Variants in MPHOSPH6 observed in about 807,000 individuals in gnomAD.
MPHOSPH6 encodes M-phase phosphoprotein 6.
Under a neutral mutation model 21.8 loss-of-function variants are expected in MPHOSPH6, and 25 were observed. That is an observed-to-expected ratio of 1.15 (90% CI 0.83 to 1.60). The LOEUF (loss-of-function observed/expected upper bound fraction) is 1.60. MPHOSPH6 is among the 40% of genes most tolerant of loss of function. The pLI, the probability that MPHOSPH6 is intolerant of heterozygous loss-of-function variation, is 0.00. For synonymous variants in MPHOSPH6, 84 were observed against 56.5 expected, an observed-to-expected ratio of 1.49 and a Z score of -2.18; for missense variants, 269 against 181.8, an observed-to-expected ratio of 1.48 and a Z score of -2.76.
At chr16:82,153,917 C>G (rs1189191786) in intron 2 of MPHOSPH6, among the ~76,000 whole-genome samples, 2 of 152,144 alleles carry the variant, frequency 1.3e-5, no homozygotes, top group African/African-American at 4.8e-5. Context: ...TTCTGTGTGT[C>G]AAATCTTCCT....
At chr16:82,167,253 A>G (rs142166845) in intron 1 of MPHOSPH6, among the ~76,000 whole-genome samples, 3 of 152,312 alleles carry the variant, frequency 2.0e-5, no homozygotes, top group African/African-American at 7.2e-5. Flanking sequence ...CCTTCCATCC[A>G]CATCCTTCTT....
intron 2 of MPHOSPH6, among the ~76,000 whole-genome samples, chr16:82,158,726 C>G (rs889933807): frequency 6.6e-6 from 1 of 152,094 alleles, no homozygotes; most frequent in Non-Finnish European, 1.5e-5. Flanking sequence ...TAACAAAATT[C>G]AAGCTTTCAA....
chr16:82,153,829 A>T (rs1460384147), intron 2 of MPHOSPH6, among the ~76,000 whole-genome samples: 5 of 152,200 alleles, frequency 3.3e-5, no homozygotes, highest in Non-Finnish European at 5.9e-5. Flanking sequence ...AACAGAATTT[A>T]TGCTCCTACA....
chr16:82,168,195 C>T (rs1286099376), intron 1 of MPHOSPH6, among the ~76,000 whole-genome samples: 1 of 152,200 alleles, frequency 6.6e-6, no homozygotes, highest in Non-Finnish European at 1.5e-5. Context: ...TCACCCAGTA[C>T]ATCATCTGGC....
rs1906932466 is a variant in MPHOSPH6, at chr16:82,170,203, G to A, written c.-28C>T. The A allele has an allele frequency of 2.6e-6, 4 of 1,556,248 alleles. No homozygotes were observed. The highest frequency in any genetic ancestry group is 2.0e-5 in the Admixed American group (1 of 51,038). ...TAGCTTCCGCCCAGCGCCGCACTCC[G>A]GCCGCGAGCCTCACCGCACATGCGC... On this transcript the variant is annotated 5_prime_UTR_variant, in exon 1 of 5. Coordinates refer to ENST00000258169, the MANE Select transcript of MPHOSPH6 (RefSeq NM_005792.2).
At chr16:82,151,593 TAATC>T (rs781405074) in intron 2 of MPHOSPH6, 79 bp from the exon 3 acceptor site, 264 of 1,458,404 alleles carry the variant, frequency 1.8e-4, no homozygotes, top group Non-Finnish European at 2.3e-4. Context: ...ATAAAAAAAA[TAATC>T]AACCTATGGT....
Position 82,170,052 on chromosome 16 carries a change from G to C in MPHOSPH6, c.51+73C>G, listed in dbSNP as rs1398447813. Reference sequence around the variant, plus strand: ...CTCTGGTGTCCCTTGTCCGCCCGCCGCCTCGGCCCCGGCCAGGTTGGAAGG... The same window carrying C: ...CTCTGGTGTCCCTTGTCCGCCCGCCCCCTCGGCCCCGGCCAGGTTGGAAGG... On this transcript the variant is annotated intron_variant, in intron 1 of 4. Transcript: ENST00000258169. 10 of 1,505,804 alleles carry C rather than the reference G, an allele frequency of 6.6e-6. No homozygotes were observed. The East Asian group carries it at 2.4e-4, about 37-fold the overall frequency. The allele number at this position is 1,505,804 out of a possible 1,614,324, so 93.3% of individuals were successfully genotyped here.
At position 82,149,352 on chromosome 16, in the gene MPHOSPH6, C is replaced by T. The variant is rs781032116; in HGVS notation, c.307G>A (p.Glu103Lys). 3.7e-6 allele frequency: 6 copies of T among 1,613,150 alleles called. No individual in the cohort carries two copies. The highest frequency in any genetic ancestry group is 2.2e-5 in the East Asian group (1 of 44,896). Reference sequence around the variant, plus strand: ...TCTGACACATCAAGCTCTACTGTTTCATCTTCAACTTCTTCTGCTTTGTGC... The same window carrying T: ...TCTGACACATCAAGCTCTACTGTTTTATCTTCAACTTCTTCTGCTTTGTGC... Reference protein sequence around the residue: ...AKHKAEEVEDETVELDVSDEE... With the variant: ...AKHKAEEVEDKTVELDVSDEE... The change falls in exon 4 of 5, where the codon GAA (glutamate) becomes AAA (lysine). Residue 103 changes from glutamate (E) to lysine (K), a missense_variant. Glu to Lys is a moderately conservative substitution (Grantham distance 56). Transcript: ENST00000258169.
At chr16:82,168,868 G>T (rs1906877968) in intron 1 of MPHOSPH6, among the ~76,000 whole-genome samples, 1 of 152,168 alleles carries the variant, frequency 6.6e-6, no homozygotes. Context: ...TAGAAGTAGT[G>T]CTTAGTGACA....
chr16:82,160,907 C>A (rs1906586781), intron 2 of MPHOSPH6, among the ~76,000 whole-genome samples: 1 of 152,092 alleles, frequency 6.6e-6, no homozygotes, highest in Non-Finnish European at 1.5e-5. Context: ...TGAAGCAGGT[C>A]ATAAAAGCAT....
chr16:82,161,404 G>A (rs1906603573), intron 2 of MPHOSPH6, among the ~76,000 whole-genome samples: 1 of 152,142 alleles, frequency 6.6e-6, no homozygotes, highest in African/African-American at 2.4e-5. Flanking sequence ...ACAAGTATAA[G>A]ATGTACAATA....
chr16:82,164,587 A>G (rs13335963), intron 1 of MPHOSPH6: 19,647 of 167,006 alleles, frequency 0.12, 2,832 homozygotes, highest in African/African-American at 0.36. Context: ...CTAGACTTCT[A>G]TGAGTGCCAG....
intron 2 of MPHOSPH6, among the ~76,000 whole-genome samples, chr16:82,155,582 A>G (rs1906402373): frequency 6.6e-6 from 1 of 152,240 alleles, no homozygotes; most frequent in African/African-American, 2.4e-5. Context: ...ACTTAGAGAT[A>G]AACAATGCAA....
At chr16:82,166,018 A>G (rs2142419275) in intron 1 of MPHOSPH6, among the ~76,000 whole-genome samples, 1 of 152,346 alleles carries the variant, frequency 6.6e-6, no homozygotes, top group East Asian at 1.9e-4. Flanking sequence ...CAAACTAAAC[A>G]TACACTTACC....
intron 2 of MPHOSPH6, among the ~76,000 whole-genome samples, chr16:82,152,803 T>C (rs1906307940): frequency 6.6e-6 from 1 of 152,212 alleles, no homozygotes; most frequent in Admixed American, 6.5e-5. Flanking sequence ...CATATCTATC[T>C]CCAGCCTGGC....
Position 82,149,417 on chromosome 16 carries a change from C to G in MPHOSPH6, c.256-14G>C. ...AAGCATCAATTTCTGAAAAATACAC[C>G]AGTGCTGACCTTCAGGCTAGAAAAC... On this transcript the variant is annotated splice_polypyrimidine_tract_variant and intron_variant, in intron 3 of 4. Transcript: ENST00000258169. 2 of 1,607,546 alleles carry G rather than the reference C, an allele frequency of 1.2e-6. No individual in the cohort carries two copies. Among genetic ancestry groups the G allele is most frequent in the East Asian group, 2.2e-5 (1 of 44,866 alleles).
chr16:82,165,605 A>G (rs1252195966), intron 1 of MPHOSPH6, among the ~76,000 whole-genome samples: 2 of 151,160 alleles, frequency 1.3e-5, no homozygotes, highest in African/African-American at 2.4e-5. Flanking sequence ...CAGTGGTCCC[A>G]TAAGATTACA....
chr16:82,163,238 G>A lies in MPHOSPH6; in HGVS notation c.164+844C>T, dbSNP rs868235775. ...ACATAAATGTGCCTCAAGACAGTAA[G>A]CAGCATCTTCAGTCATTTGACCAAA... On this transcript the variant is annotated intron_variant, in intron 2 of 4. Transcript: ENST00000258169. Among the ~76,000 whole-genome samples, 4 of 152,322 alleles carry A rather than the reference G, an allele frequency of 2.6e-5. No individual in the cohort carries two copies. The South Asian group carries it at 8.3e-4, about 32-fold the overall frequency.
intron 1 of MPHOSPH6, among the ~76,000 whole-genome samples, chr16:82,166,955 G>A (rs1194020611): frequency 6.6e-6 from 1 of 152,124 alleles, no homozygotes; most frequent in Non-Finnish European, 1.5e-5. Flanking sequence ...GAGCATTTCA[G>A]AACACATTCC....
Sources: gnomAD v4.1 joint callset for allele counts (sites outside exome capture counted in the v4.1 genomes callset) on GRCh38, gnomAD v4.1.1 for gene constraint, MANE v1.5 for transcripts, NCBI Gene and HGNC (gene_info 2026-07-23, HGNC 2026-07-21) for gene names.